RIMS2: variants seen among roughly 807,000 people sequenced by gnomAD.
RIMS2 encodes regulating synaptic membrane exocytosis protein 2.
In RIMS2, 59 loss-of-function variants were observed where a neutral mutation model predicts 174.4. The observed-to-expected ratio is 0.34, with a 90% CI of 0.27 to 0.42. The LOEUF is 0.42. Ranked by LOEUF, RIMS2 falls within the 10% of genes least tolerant of loss-of-function variation. The pLI is 1.00. For missense variants in RIMS2, 1,620 were observed against 1,666.3 expected (o/e 0.97, Z 0.48); for synonymous variants, 606 against 572.5 (o/e 1.06, Z -0.84).
chr8:103,742,344 C>G (rs1334263353), intron 2 of RIMS2, among the ~76,000 whole-genome samples: 1 of 152,090 alleles, frequency 6.6e-6, no homozygotes, highest in Non-Finnish European at 1.5e-5. Flanking sequence ...ATCATTTCAT[C>G]AAATATGTTA....
chr8:103,831,443 G>T (rs1188772001), intron 3 of RIMS2, among the ~76,000 whole-genome samples: 1 of 152,040 alleles, frequency 6.6e-6, no homozygotes, highest in East Asian at 1.9e-4. Context: ...CGAGGTCAGT[G>T]GTCCTTTCTA....
rs769876416 is a variant in RIMS2 at position 103,885,600 on chromosome 8, G to A, written c.1001G>A (p.Arg334Gln). 18 of 1,612,892 alleles carry A rather than the reference G, an allele frequency of 1.1e-5. No homozygotes were observed. In the African/African-American group the frequency reaches 2.0e-4, roughly 18 times the overall value. ...GAGGAAGAGTACCAGTCACGCTACC[G>A]AAGTGATCCGAATTTGGCCCGTTAT... The change falls in exon 4 of 24, where the codon CGA becomes CAA. Residue 334 changes from arginine to glutamine, a missense_variant. Arg to Gln is a conservative substitution (Grantham distance 43, BLOSUM62 1). Around this residue, in one of 2 missense-constraint regions of RIMS2, gnomAD observed 1,395 missense variants for 1,360.1 expected, o/e 1.03. Transcript: ENST00000504942.
At chr8:103,882,470 A>G (rs982309713) in intron 3 of RIMS2, among the ~76,000 whole-genome samples, 11 of 151,584 alleles carry the variant, frequency 7.3e-5, no homozygotes, top group African/African-American at 2.4e-4. Flanking sequence ...TGTTTCTCGC[A>G]TAGTGTTAAC....
chr8:103,996,371 A>G (rs967687192), intron 17 of RIMS2, among the ~76,000 whole-genome samples: 1 of 152,030 alleles, frequency 6.6e-6, no homozygotes, highest in Non-Finnish European at 1.5e-5. Flanking sequence ...CTAGTCTCAC[A>G]ATGAACATAT....
At chr8:104,111,894 G>A (rs2098191267) in intron 19 of RIMS2, among the ~76,000 whole-genome samples, 1 of 152,152 alleles carries the variant, frequency 6.6e-6, no homozygotes, top group Non-Finnish European at 1.5e-5. Context: ...CGCATGCTTA[G>A]AAGACTCTCT....
At chr8:104,250,803 A>T (rs1257835726) in intron 22 of RIMS2, among the ~76,000 whole-genome samples, 4 of 152,198 alleles carry the variant, frequency 2.6e-5, no homozygotes, top group Non-Finnish European at 4.4e-5. Flanking sequence ...GATGAAAAAA[A>T]TGATAATAAA....
intron 1 of RIMS2, among the ~76,000 whole-genome samples, chr8:103,662,679 T>C (rs1456512753): frequency 5.8e-5 from 6 of 103,156 alleles, no homozygotes; most frequent in Non-Finnish European, 1.3e-4. Context: ...AGAGTCTATC[T>C]ATCTATCTAT....
chr8:103,775,882 G>T (rs1220940805), intron 3 of RIMS2, among the ~76,000 whole-genome samples: 1 of 152,090 alleles, frequency 6.6e-6, no homozygotes, highest in African/African-American at 2.4e-5. Context: ...GTGAAAAAAA[G>T]AATCTATTTC....
intron 3 of RIMS2, among the ~76,000 whole-genome samples, chr8:103,838,770 T>A (rs1175990159): frequency 6.6e-6 from 1 of 152,142 alleles, no homozygotes; most frequent in Admixed American, 6.5e-5. Context: ...GAATTGCCAT[T>A]TATTAAAGTT....
chr8:103,966,189 G>C (rs555402838), intron 15 of RIMS2, among the ~76,000 whole-genome samples: 9 of 152,254 alleles, frequency 5.9e-5, no homozygotes, highest in African/African-American at 2.2e-4. Flanking sequence ...CTCTGAAAGA[G>C]ATTGTAGAAA....
chr8:103,961,151 A>AT lies in RIMS2; in HGVS notation c.2770+22dup, dbSNP rs746255335. 2.6e-5 allele frequency: 27 copies of AT among 1,046,508 alleles called. 1 individual carries two copies. In the South Asian group the frequency reaches 3.5e-4, roughly 13 times the overall value. The allele number at this position is 1,046,508 out of a possible 1,614,324, so 64.8% of individuals were successfully genotyped here. Reference sequence around the variant, plus strand: ...AGTATCAGGTAAGAATTTTAGAATTATTTTATAGTATTAAAAAGGGAGTGC... The same window carrying AT: ...AGTATCAGGTAAGAATTTTAGAATTATTTTTATAGTATTAAAAAGGGAGTGC... On this transcript the variant is annotated intron_variant, in intron 15 of 23. Transcript: ENST00000504942.
chr8:103,642,755 CT>C (rs1030691898), intron 1 of RIMS2, among the ~76,000 whole-genome samples: 24 of 151,598 alleles, frequency 1.6e-4, no homozygotes, highest in African/African-American at 5.3e-4. Context: ...CTACCTTTTT[CT>C]TTTTTTTATG....
chr8:103,839,783 A>C (rs1188517193), intron 3 of RIMS2, among the ~76,000 whole-genome samples: 1 of 152,196 alleles, frequency 6.6e-6, no homozygotes, highest in Admixed American at 6.5e-5. Context: ...CAAAAATTCT[A>C]GCTGCCAAGA....
At chr8:103,683,935 A>G (rs996193264) in intron 1 of RIMS2, among the ~76,000 whole-genome samples, 11 of 152,106 alleles carry the variant, frequency 7.2e-5, no homozygotes, top group African/African-American at 2.7e-4. Flanking sequence ...TTTTAAAGCA[A>G]TTTTCATTGA....
chr8:103,703,205 T>C (rs10095442), intron 2 of RIMS2, among the ~76,000 whole-genome samples: 1,762 of 152,020 alleles, frequency 0.012, 33 homozygotes, highest in African/African-American at 0.039. Context: ...CTGGTTTCAC[T>C]CTCACACTTC....
chr8:104,114,714 G>A (rs1363068875), intron 19 of RIMS2, among the ~76,000 whole-genome samples: 1 of 151,374 alleles, frequency 6.6e-6, no homozygotes, highest in African/African-American at 2.4e-5. Context: ...TTTTTGTATT[G>A]ATGGATTAGA....
At chr8:104,046,994 TCA>T (rs977198008) in intron 19 of RIMS2, among the ~76,000 whole-genome samples, 2 of 152,014 alleles carry the variant, frequency 1.3e-5, no homozygotes, top group African/African-American at 4.8e-5. Flanking sequence ...TAAAAATATA[TCA>T]CAAATTATAT....
intron 1 of RIMS2, among the ~76,000 whole-genome samples, chr8:103,611,110 T>C (rs546138227): frequency 1.3e-5 from 2 of 152,322 alleles, no homozygotes; most frequent in Non-Finnish European, 2.9e-5. Flanking sequence ...TTTGTGTGCA[T>C]AGAGGTGTTT....
chr8:103,534,032 G>A (rs1197909931), intron 1 of RIMS2, among the ~76,000 whole-genome samples: 1 of 152,146 alleles, frequency 6.6e-6, no homozygotes, highest in Admixed American at 6.5e-5. Context: ...ACGTTGAACT[G>A]TTTCTGAAAA....
Sources: allele counts gnomAD v4.1 joint callset (sites outside exome capture counted in the v4.1 genomes callset), GRCh38; gene constraint gnomAD v4.1.1; regional missense constraint gnomAD v4.1.1; transcripts MANE v1.5; gene names NCBI Gene and HGNC (gene_info 2026-07-23, HGNC 2026-07-21).